PACRG: variants seen among roughly 807,000 people sequenced by gnomAD.
PACRG encodes parkin coregulated, also known as parkin coregulated gene protein.
Under a neutral mutation model 29.7 loss-of-function variants are expected in PACRG, and 29 were observed. The observed-to-expected ratio is 0.98, with a 90% confidence interval of 0.73 to 1.33. The LOEUF (loss-of-function observed/expected upper bound fraction) is 1.33. Among genes scored for constraint, PACRG ranks in the 40% most tolerant of loss-of-function variants. The pLI, the probability that PACRG is intolerant of heterozygous loss-of-function variation, is 0.00. For missense variants in PACRG, 279 were observed against 316.2 expected (o/e 0.88, Z 0.89); for synonymous variants, 116 against 118.7 (o/e 0.98, Z 0.15).
chr6:163,046,570 A>T (rs1809416566), intron 2 of PACRG: 1 of 152,042 alleles, frequency 6.6e-6, no homozygotes, highest in Admixed American at 6.5e-5. Flanking sequence ...AAACTGGTGG[A>T]TTTCACTACA....
chr6:163,050,883 T>A (rs571826165), intron 2 of PACRG, among the ~76,000 whole-genome samples: 1 of 152,338 alleles, frequency 6.6e-6, no homozygotes, highest in Non-Finnish European at 1.5e-5. Flanking sequence ...CCTCTGAATA[T>A]TTACATCTTT....
At chr6:162,888,327 G>T (rs1794514059) in intron 2 of PACRG, among the ~76,000 whole-genome samples, 1 of 152,096 alleles carries the variant, frequency 6.6e-6, no homozygotes, top group Non-Finnish European at 1.5e-5. Flanking sequence ...GGCTCTTTCA[G>T]CACGTGGTGC....
chr6:162,984,715 G>A (rs1478891987), intron 2 of PACRG, among the ~76,000 whole-genome samples: 1 of 151,826 alleles, frequency 6.6e-6, no homozygotes, highest in Non-Finnish European at 1.5e-5. Context: ...GCAGGAGTGA[G>A]GTGGTATTGT....
At chr6:163,262,780 A>G (rs554172280) in intron 4 of PACRG, among the ~76,000 whole-genome samples, 11 of 151,608 alleles carry the variant, frequency 7.3e-5, no homozygotes, top group Admixed American at 7.2e-4. Flanking sequence ...AGTGGCTCAC[A>G]CCTGTAATCC....
At chr6:163,024,852 C>T (rs910524486) in intron 2 of PACRG, among the ~76,000 whole-genome samples, 30 of 152,122 alleles carry the variant, frequency 2.0e-4, no homozygotes, top group Middle Eastern at 3.4e-3. Context: ...TTGAATCCAG[C>T]GGCACATCAA....
At chr6:163,177,324 C>T (rs149832843) in intron 4 of PACRG, among the ~76,000 whole-genome samples, 1 of 152,220 alleles carries the variant, frequency 6.6e-6, no homozygotes, top group Non-Finnish European at 1.5e-5. Context: ...AGGAACAGCC[C>T]TCTGTTTTCG....
At chr6:163,077,993 G>A (rs1812701840) in intron 3 of PACRG, among the ~76,000 whole-genome samples, 1 of 152,172 alleles carries the variant, frequency 6.6e-6, no homozygotes, top group Non-Finnish European at 1.5e-5. Flanking sequence ...CCAGCTAGAT[G>A]CATTTTCAAG....
chr6:163,079,725 A>T (rs1812892604), intron 3 of PACRG, among the ~76,000 whole-genome samples: 1 of 151,920 alleles, frequency 6.6e-6, no homozygotes, highest in Non-Finnish European at 1.5e-5. Flanking sequence ...CTTCTTGGAA[A>T]TTGGTCTCTT....
At chr6:163,280,767 C>T (rs548077402) in intron 4 of PACRG, among the ~76,000 whole-genome samples, 1 of 152,214 alleles carries the variant, frequency 6.6e-6, no homozygotes, top group South Asian at 2.1e-4. Context: ...TTTCTGGCAC[C>T]TCCTTATAAG....
At chr6:162,871,338 A>G (rs1366600669) in intron 2 of PACRG, among the ~76,000 whole-genome samples, 1 of 152,238 alleles carries the variant, frequency 6.6e-6, no homozygotes, top group Non-Finnish European at 1.5e-5. Context: ...GTTCTGGTAC[A>G]AGGTATTTCC....
chr6:163,194,065 G>A (rs1179461662), intron 4 of PACRG, among the ~76,000 whole-genome samples: 1 of 151,952 alleles, frequency 6.6e-6, no homozygotes, highest in Admixed American at 6.6e-5. Context: ...GTTAATTTTT[G>A]TATTTTTAGT....
intron 4 of PACRG, among the ~76,000 whole-genome samples, chr6:163,128,078 A>G (rs143806459): frequency 2.3e-3 from 358 of 152,346 alleles, no homozygotes; most frequent in African/African-American, 8.0e-3. Flanking sequence ...ATTGTTTTAA[A>G]ATACCAAAAT....
intron 2 of PACRG, among the ~76,000 whole-genome samples, chr6:162,847,765 T>A (rs1015307721): frequency 1.3e-5 from 2 of 151,956 alleles, no homozygotes; most frequent in Non-Finnish European, 2.9e-5. Context: ...TAGTTCTGAA[T>A]AACCTGAACA....
intron 4 of PACRG, among the ~76,000 whole-genome samples, chr6:163,096,681 G>A (rs1814621455): frequency 6.6e-6 from 1 of 152,154 alleles, no homozygotes; most frequent in African/African-American, 2.4e-5. Flanking sequence ...GTTCTACTTG[G>A]AGAGAAGGAG....
intron 2 of PACRG, among the ~76,000 whole-genome samples, chr6:163,058,792 C>T (rs1314539126): frequency 2.0e-5 from 3 of 152,134 alleles, no homozygotes; most frequent in Non-Finnish European, 4.4e-5. Flanking sequence ...CCCAGCTACT[C>T]GGGAGGCTGA....
At chr6:162,900,490 A>G (rs1248313272) in intron 2 of PACRG, among the ~76,000 whole-genome samples, 2 of 152,166 alleles carry the variant, frequency 1.3e-5, no homozygotes, top group Non-Finnish European at 2.9e-5. Flanking sequence ...TCTCATGTGA[A>G]CAATCTTACC....
chr6:162,938,608 C>T (rs1228652148), intron 2 of PACRG, among the ~76,000 whole-genome samples: 1 of 152,144 alleles, frequency 6.6e-6, no homozygotes, highest in Non-Finnish European at 1.5e-5. Flanking sequence ...CTAGTTTACA[C>T]TCCCACCAGC....
intron 4 of PACRG, among the ~76,000 whole-genome samples, chr6:163,282,895 A>G (rs1784266815): frequency 6.6e-6 from 1 of 152,252 alleles, no homozygotes; most frequent in African/African-American, 2.4e-5. Context: ...CCCTTCTACA[A>G]GGAAAGCCTT....
chr6:163,164,119 A>T (rs912146395), intron 4 of PACRG, among the ~76,000 whole-genome samples: 8 of 152,224 alleles, frequency 5.3e-5, no homozygotes, highest in African/African-American at 1.7e-4. Flanking sequence ...AAAAAATAAG[A>T]TGTAAAATAT....
Sources: gnomAD v4.1 joint callset for allele counts (sites outside exome capture counted in the v4.1 genomes callset) on GRCh38, gnomAD v4.1.1 for gene constraint, MANE v1.5 for transcripts, NCBI Gene and HGNC (gene_info 2026-07-23, HGNC 2026-07-21) for gene names.